Variants in ZNF175 observed in about 807,000 individuals in gnomAD.
ZNF175 encodes zinc finger protein 175, also known as zinc finger protein OTK18.
ZNF175 carries 8 observed loss-of-function variants against 14.0 expected under a neutral mutation model. The ratio of observed to expected loss-of-function variants is 0.57; its 90% CI spans 0.34 to 1.03. ZNF175 has a LOEUF of 1.03. Among genes scored for constraint, ZNF175 ranks in the 50% least tolerant of loss-of-function variants. ZNF175 has a pLI of 0.03. For missense variants in ZNF175, 764 were observed against 849.5 expected, an observed-to-expected ratio of 0.90 and a Z score of 1.25; for synonymous variants, 255 against 296.8, an observed-to-expected ratio of 0.86 and a Z score of 1.45.
At chr19:51,576,505 C>G (rs931383964) in intron 2 of ZNF175, among the ~76,000 whole-genome samples, 6 of 152,088 alleles carry the variant, frequency 3.9e-5, no homozygotes, top group South Asian at 2.1e-4. Context: ...CATTATCCCC[C>G]CTTTACAGAC....
chr19:51,573,373 G>A lies in ZNF175; in HGVS notation c.44G>A (p.Gly15Asp). The A allele has an allele frequency of 6.2e-7, 1 of 1,612,268 alleles. No homozygotes were observed. Among genetic ancestry groups the A allele is most frequent in the Non-Finnish European group, 8.5e-7 (1 of 1,179,348 alleles). The change falls in exon 2 of 5, where the codon GGT becomes GAT. Residue 15 changes from glycine (G) to aspartate (D), a missense_variant. Transcript: ENST00000262259. Reference sequence around the variant, plus strand: ...TTATCCCAGAAGCCTCAGGTCCTGGGTCCAGAGAAGCAGGATGGATCTTGC... The same window carrying A: ...TTATCCCAGAAGCCTCAGGTCCTGGATCCAGAGAAGCAGGATGGATCTTGC... The part of the protein sequence containing the change: ...VNLSQKPQVL[G>D]PEKQDGSCEA...
In ZNF175 at chr19:51,589,492, A is replaced by G. The variant is rs968386374; in HGVS notation, c.*1025A>G. ...AATGTGCATTTTTGGTAAATGCATA[A>G]ATGAGATTCTATAATGTTTACTGAT... On this transcript the variant is annotated 3_prime_UTR_variant, in exon 5 of 5. Transcript: ENST00000262259. 8.3e-5 allele frequency: 58 copies of G among 695,496 alleles called. No homozygotes were observed. Among genetic ancestry groups the G allele is most frequent in the Admixed American group, 3.9e-4 (19 of 48,524 alleles). The allele number at this position is 695,496 out of a possible 1,614,324, so 43.1% of individuals were successfully genotyped here.
intron 4 of ZNF175, among the ~76,000 whole-genome samples, 177 bp from the exon 5 acceptor site, chr19:51,586,450 A>G (rs1490610474): frequency 2.0e-5 from 3 of 152,240 alleles, no homozygotes; most frequent in Non-Finnish European, 2.9e-5. Flanking sequence ...GCTAAGTGCT[A>G]TGTAGATAAA....
In ZNF175 at chr19:51,577,660, TCTC is replaced by T. The variant is rs1259103931; in HGVS notation, c.73-3730_73-3728del. Reference sequence around the variant, plus strand: ...TTTTTTTACAAAATACTCCTTTCTCTCTCTTTTTTTTTTTTTTTTTTGAGATGG... The same window carrying T: ...TTTTTTTACAAAATACTCCTTTCTCTTTTTTTTTTTTTTTTTTTGAGATGG... On this transcript the variant is annotated intron_variant, in intron 2 of 4. Transcript: ENST00000262259. Among the ~76,000 whole-genome samples, 17 of 136,782 alleles carry T rather than the reference TCTC, an allele frequency of 1.2e-4. No homozygotes were observed. The East Asian group carries it at 4.1e-3, about 33-fold the overall frequency. The allele number at this position is 136,782 out of a possible 152,430, so 89.7% of individuals were successfully genotyped here.
At chr19:51,573,629 C>T (rs560620231) in intron 2 of ZNF175, 2 of 537,738 alleles carry the variant, frequency 3.7e-6, no homozygotes, top group African/African-American at 4.0e-5. Context: ...AAAGAAGAAA[C>T]TGTAGTCCCT....
chr19:51,584,309 G>T (rs1275507726), intron 4 of ZNF175, among the ~76,000 whole-genome samples: 1 of 152,172 alleles, frequency 6.6e-6, no homozygotes, highest in East Asian at 1.9e-4. Context: ...ATTTTGAATT[G>T]AAACAAAGAA....
intron 2 of ZNF175, chr19:51,573,815 C>T (rs936589715): frequency 4.6e-5 from 13 of 283,258 alleles, no homozygotes; most frequent in African/African-American, 1.1e-4. Context: ...TCATAAGGTG[C>T]GGCAAAATCT....
At position 51,573,207 on chromosome 19, in the gene ZNF175, T is replaced by C. The variant is rs58669479; in HGVS notation, c.-123T>C. On this transcript the variant is annotated 5_prime_UTR_variant, in exon 2 of 5. Transcript: ENST00000262259. Reference sequence around the variant, plus strand: ...ATTGAGGCTGCAGGATCTCTCTTCATAGCCCAGTACGACTCTCCGCCGTGT... The same window carrying C: ...ATTGAGGCTGCAGGATCTCTCTTCACAGCCCAGTACGACTCTCCGCCGTGT... 7.9e-3 allele frequency: 7,017 copies of C among 892,814 alleles called. 349 individuals are homozygous for C. In the African/African-American group the frequency reaches 0.1, roughly 13 times the overall value. 55.3% of individuals were successfully genotyped at this position (892,814 alleles called of 1,614,324 possible).
chr19:51,575,208 G>GTTTTTTTT (rs1491081799), intron 2 of ZNF175, among the ~76,000 whole-genome samples: 6 of 99,214 alleles, frequency 6.0e-5, no homozygotes, highest in East Asian at 4.1e-4. Context: ...TTTTTAGAGA[G>GTTTTTTTT]GTTTTTTTTT....
chr19:51,581,714 T>C, intron 3 of ZNF175, 73 bp from the exon 4 acceptor site: 1 of 1,574,428 alleles, frequency 6.4e-7, no homozygotes. Context: ...AATGAGCCAG[T>C]GTAAAGCTTC....
At chr19:51,575,281 ATC>A (rs1309477236) in intron 2 of ZNF175, among the ~76,000 whole-genome samples, 1 of 146,758 alleles carries the variant, frequency 6.8e-6, no homozygotes, top group Non-Finnish European at 1.5e-5. Flanking sequence ...CAGTGGCGCA[ATC>A]TCTGCTCACT....
At chr19:51,576,828 G>A (rs888763230) in intron 2 of ZNF175, among the ~76,000 whole-genome samples, 2 of 151,984 alleles carry the variant, frequency 1.3e-5, no homozygotes, top group Non-Finnish European at 2.9e-5. Context: ...ACGGTTTACC[G>A]TTACTCTCAT....
intron 2 of ZNF175, among the ~76,000 whole-genome samples, chr19:51,576,990 T>G (rs774676247): frequency 6.6e-6 from 1 of 152,084 alleles, no homozygotes; most frequent in Non-Finnish European, 1.5e-5. Flanking sequence ...TGCAGTGAGC[T>G]GTGATGGCAC....
rs372628130 is a variant in ZNF175, at chr19:51,586,690, A to G, written c.359A>G (p.Asp120Gly). The G allele has an allele frequency of 6.2e-7, 1 of 1,612,960 alleles. No homozygotes were observed. The highest frequency in any genetic ancestry group is 8.5e-7 in the Non-Finnish European group (1 of 1,179,692). ...EISKKASFQK[D>G]MVGEFTRDGS... is the part of the protein sequence containing the mutation. ...TCTAAGAAAGCTTCATTTCAAAAGG[A>G]TATGGTAGGTGAGTTCACAAGAGAT... Residue 120 changes from aspartate to glycine, a missense_variant, in exon 5 of 5, where the codon GAT becomes GGT. Asp to Gly is a moderately conservative substitution (Grantham distance 94). Transcript: ENST00000262259.
chr19:51,573,439 G>A (rs545728474), intron 2 of ZNF175, 38 bp downstream of exon 2: 8 of 1,605,338 alleles, frequency 5.0e-6, no homozygotes, highest in African/African-American at 4.0e-5. Context: ...TCTCCAGAAC[G>A]TGAGGGCAGA....
chr19:51,584,334 C>G lies in ZNF175; in HGVS notation c.296-2293C>G, dbSNP rs529326854. On this transcript the variant is annotated intron_variant, in intron 4 of 4. Transcript: ENST00000262259. Reference sequence around the variant, plus strand: ...GAAACAAAGAAGCAGATGAAGCAAGCTTAATGGGAATAGAGGACATGAGAG... The same window carrying G: ...GAAACAAAGAAGCAGATGAAGCAAGGTTAATGGGAATAGAGGACATGAGAG... 5.9e-5 allele frequency among the ~76,000 whole-genome samples: 9 copies of G among 152,264 alleles called. No homozygotes were observed. The East Asian group carries it at 1.2e-3, about 20-fold the overall frequency.
Position 51,573,319 on chromosome 19 carries a change from C to T in ZNF175, c.-11C>T. ...AGCAAGAGAGACCGAGAGTAGAAGC[C>T]CAGAGTGGAGATGCCTGCTGATGTG... On this transcript the variant is annotated 5_prime_UTR_variant, in exon 2 of 5. Coordinates refer to ENST00000262259, the MANE Select transcript of ZNF175 (RefSeq NM_007147.4). 6.2e-7 allele frequency: 1 copy of T among 1,612,570 alleles called. No individual in the cohort carries two copies. The highest frequency in any genetic ancestry group is 8.5e-7 in the Non-Finnish European group (1 of 1,179,396).
At chr19:51,586,210 T>C (rs1453124853) in intron 4 of ZNF175, among the ~76,000 whole-genome samples, 2 of 152,134 alleles carry the variant, frequency 1.3e-5, no homozygotes, top group African/African-American at 4.8e-5. Context: ...ACTTGTCTGT[T>C]TTATCCTACT....
Position 51,592,197 on chromosome 19 carries a change from G to T in ZNF175, c.*3730G>T, listed in dbSNP as rs538616770. 3.0e-4 allele frequency: 52 copies of T among 172,278 alleles called. No individual in the cohort carries two copies. The South Asian group carries it at 4.2e-3, about 14-fold the overall frequency. 10.7% of individuals were successfully genotyped at this position (172,278 alleles called of 1,614,324 possible). ...GACTGTTGTGGCGATTGGCACAAAG[G>T]TTGGGCACAGTAGTAGTTAGGCTCA... On this transcript the variant is annotated 3_prime_UTR_variant, in exon 5 of 5. Coordinates refer to ENST00000262259, the MANE Select transcript of ZNF175 (RefSeq NM_007147.4).
Sources: gnomAD v4.1 joint callset for allele counts (sites outside exome capture counted in the v4.1 genomes callset) on GRCh38, gnomAD v4.1.1 for gene constraint, MANE v1.5 for transcripts, NCBI Gene and HGNC (gene_info 2026-07-23, HGNC 2026-07-21) for gene names.